The following LOC400499 variants were observed in gnomAD, a reference collection of about 807,000 sequenced individuals.
At chr16:11,517,427 C>A in the LOC400499 span, among the ~76,000 whole-genome samples, 1 of 152,184 alleles carries the variant, frequency 6.6e-6, no homozygotes, top group Non-Finnish European at 1.5e-5. Flanking sequence ...TAGAGGGAGT[C>A]TTTCCCTCCC....
the LOC400499 span, among the ~76,000 whole-genome samples, chr16:11,388,916 G>A: frequency 0.028 from 4,305 of 152,080 alleles, 80 homozygotes; most frequent in Non-Finnish European, 0.044. Flanking sequence ...GTGAAACCCC[G>A]TCTCTACTAA....
At chr16:11,396,687 G>A in the LOC400499 span, 1 of 1,231,974 alleles carries the variant, frequency 8.1e-7, no homozygotes, top group Non-Finnish European at 1.0e-6. Flanking sequence ...TGGGACGAGA[G>A]AGTCTAGGTG....
chr16:11,392,137 G>A, the LOC400499 span: 1 of 399,162 alleles, frequency 2.5e-6, no homozygotes, highest in African/African-American at 2.1e-5. Flanking sequence ...GGGCCTCGCA[G>A]GAATGAAGTA....
At chr16:11,395,980 C>T in the LOC400499 span, among the ~76,000 whole-genome samples, 1 of 152,202 alleles carries the variant, frequency 6.6e-6, no homozygotes, top group Non-Finnish European at 1.5e-5. Context: ...GAGGCCAACT[C>T]TGCCCCTTCC....
At chr16:11,522,477 G>T in the LOC400499 span, among the ~76,000 whole-genome samples, 3 of 152,126 alleles carry the variant, frequency 2.0e-5, no homozygotes, top group African/African-American at 7.2e-5. Context: ...TTACCCACAA[G>T]ATGCCAGTAA....
chr16:11,401,172 CCTT>C, the LOC400499 span: 1 of 398,526 alleles, frequency 2.5e-6, no homozygotes, highest in Middle Eastern at 6.3e-4. Flanking sequence ...AACACACTCT[CCTT>C]CTCCTACCAG....
At chr16:11,427,214 T>A in the LOC400499 span, among the ~76,000 whole-genome samples, 2 of 150,894 alleles carry the variant, frequency 1.3e-5, no homozygotes, top group African/African-American at 2.4e-5. Context: ...AAAAAAAAAA[T>A]TAGCCAGACA....
At chr16:11,399,333 G>T in the LOC400499 span, 2 of 1,026,668 alleles carry the variant, frequency 1.9e-6, no homozygotes, top group South Asian at 5.0e-5. Flanking sequence ...GAACACTAAG[G>T]CTCACAGCAG....
chr16:11,487,235 G>A, the LOC400499 span: 1 of 398,814 alleles, frequency 2.5e-6, no homozygotes. Flanking sequence ...AGGCCCTGCA[G>A]AGGCTATAGC....
chr16:11,485,567 G>C, the LOC400499 span, among the ~76,000 whole-genome samples: 12 of 152,068 alleles, frequency 7.9e-5, no homozygotes, highest in African/African-American at 2.9e-4. Context: ...CTGCCCGTCC[G>C]CGCACCCCTC....
At chr16:11,460,183 A>T in the LOC400499 span, 5 of 807,810 alleles carry the variant, frequency 6.2e-6, no homozygotes, top group Non-Finnish European at 8.5e-6. Flanking sequence ...AGAAAGCACT[A>T]TTTTTTTTTA....
At chr16:11,447,286 C>T in the LOC400499 span, among the ~76,000 whole-genome samples, 6 of 152,164 alleles carry the variant, frequency 3.9e-5, no homozygotes, top group African/African-American at 1.4e-4. Context: ...TCAGTTTCCC[C>T]ATCTGTAAAA....
chr16:11,417,913 C>A, the LOC400499 span: 1 of 398,120 alleles, frequency 2.5e-6, no homozygotes, highest in Non-Finnish European at 4.4e-6. Flanking sequence ...GGCACTGGCT[C>A]CCACAAACCC....
At chr16:11,376,689 G>C in the LOC400499 span, among the ~76,000 whole-genome samples, 2 of 152,258 alleles carry the variant, frequency 1.3e-5, no homozygotes, top group African/African-American at 2.4e-5. Context: ...TTGAAATTGT[G>C]TATCAACTTT....
At chr16:11,490,908 C>T in the LOC400499 span, among the ~76,000 whole-genome samples, 6 of 152,178 alleles carry the variant, frequency 3.9e-5, no homozygotes, top group African/African-American at 1.4e-4. Context: ...TTCCATTTGT[C>T]CCTTGCCTAT....
chr16:11,426,896 C>CAA, the LOC400499 span, among the ~76,000 whole-genome samples: 34,853 of 105,422 alleles, frequency 0.33, 6,046 homozygotes, highest in Admixed American at 0.47. Flanking sequence ...GACCCCATCT[C>CAA]AAAAAAAAAA....
At chr16:11,437,971 C>T in the LOC400499 span, among the ~76,000 whole-genome samples, 3 of 152,206 alleles carry the variant, frequency 2.0e-5, no homozygotes, top group Admixed American at 6.5e-5. Flanking sequence ...GGGGATCGAT[C>T]GCATGCGCTC....
the LOC400499 span, among the ~76,000 whole-genome samples, chr16:11,421,208 C>T: frequency 2.6e-5 from 4 of 152,132 alleles, no homozygotes; most frequent in Admixed American, 2.6e-4. Flanking sequence ...CCACAGAGCG[C>T]TTCCCTGCAC....
chr16:11,415,042 C>A, the LOC400499 span, among the ~76,000 whole-genome samples: 1 of 152,176 alleles, frequency 6.6e-6, no homozygotes, highest in Non-Finnish European at 1.5e-5. Context: ...GGCTTCTCTG[C>A]AGGGATTCCT....
Sources: gnomAD v4.1 joint callset for allele counts (sites outside exome capture counted in the v4.1 genomes callset) on GRCh38, gnomAD v4.1.1 for gene constraint, MANE v1.5 for transcripts.